RGS6: variants seen among roughly 807,000 people sequenced by gnomAD.
RGS6 encodes regulator of G protein signaling 6.
A neutral mutation model predicts 78.5 loss-of-function variants in RGS6; 30 were observed. The ratio of observed to expected loss-of-function variants is 0.38; its 90% CI spans 0.29 to 0.52. The LOEUF (loss-of-function observed/expected upper bound fraction) is 0.52, where lower values mean the gene tolerates loss of function less well. Ranked by LOEUF, RGS6 falls within the 20% of genes least tolerant of loss-of-function variation. The probability of loss-of-function intolerance (pLI) is 0.85; values close to 1 mark genes in which losing one functional copy is unlikely to be tolerated. For missense variants in RGS6, 495 were observed against 609.7 expected (o/e 0.81, Z 1.98); for synonymous variants, 206 against 206.0 (o/e 1.00, Z 0.00).
chr14:71,928,276 C>A (rs1335067104), upstream of RGS6, among the ~76,000 whole-genome samples: 5 of 152,214 alleles, frequency 3.3e-5, no homozygotes, highest in East Asian at 9.6e-4. Context: ...CATTTATTTT[C>A]TTTCAGGATT....
intron 2 of RGS6, among the ~76,000 whole-genome samples, chr14:72,167,056 T>G (rs1412906884): frequency 6.6e-6 from 1 of 152,264 alleles, no homozygotes; most frequent in Non-Finnish European, 1.5e-5. Context: ...TAAGTCATTT[T>G]TTTTTCATAC....
intron 2 of RGS6, among the ~76,000 whole-genome samples, chr14:72,063,569 G>C (rs528651709): frequency 4.6e-5 from 7 of 152,150 alleles, no homozygotes; most frequent in Non-Finnish European, 8.8e-5. Flanking sequence ...AGCTATTTAG[G>C]ATGTGAAGTC....
At chr14:71,941,522 C>T (rs1294067010) in intron 1 of RGS6, among the ~76,000 whole-genome samples, 1 of 152,216 alleles carries the variant, frequency 6.6e-6, no homozygotes, top group South Asian at 2.1e-4. Context: ...TTCACTTACA[C>T]AATCACAAGG....
At chr14:72,561,000 A>G (rs2097667963) in intron 17 of RGS6, among the ~76,000 whole-genome samples, 1 of 152,142 alleles carries the variant, frequency 6.6e-6, no homozygotes, top group South Asian at 2.1e-4. Flanking sequence ...CTATAGCACC[A>G]GAATTCTCAA....
At chr14:72,203,587 C>T (rs1278154380) in intron 2 of RGS6, among the ~76,000 whole-genome samples, 1 of 152,128 alleles carries the variant, frequency 6.6e-6, no homozygotes, top group Non-Finnish European at 1.5e-5. Flanking sequence ...ACCTCAAATC[C>T]ATCATGGCTG....
At chr14:72,044,413 T>G (rs939446915) in intron 2 of RGS6, among the ~76,000 whole-genome samples, 1 of 152,178 alleles carries the variant, frequency 6.6e-6, no homozygotes, top group African/African-American at 2.4e-5. Context: ...CACCATTCAG[T>G]CAGCTGAGGT....
At chr14:72,575,955 T>C in the RGS6 span, among the ~76,000 whole-genome samples, 4 of 152,350 alleles carry the variant, frequency 2.6e-5, no homozygotes, top group East Asian at 7.7e-4. Flanking sequence ...AAGAATGTCT[T>C]CTCAGACGGC....
chr14:72,070,711 G>T (rs80154457), intron 2 of RGS6, among the ~76,000 whole-genome samples: 2,326 of 152,280 alleles, frequency 0.015, 34 homozygotes, highest in Non-Finnish European at 0.025. Context: ...GGGAGCACTG[G>T]ATGGATTTCA....
At chr14:71,935,395 C>A (rs2088924825) in intron 1 of RGS6, among the ~76,000 whole-genome samples, 1 of 152,074 alleles carries the variant, frequency 6.6e-6, no homozygotes, top group Admixed American at 6.6e-5. Flanking sequence ...TTATTTCTAC[C>A]CAGTCCCCCT....
chr14:72,360,023 G>A (rs991053417), intron 3 of RGS6, among the ~76,000 whole-genome samples: 6 of 152,026 alleles, frequency 3.9e-5, no homozygotes, highest in Non-Finnish European at 7.4e-5. Flanking sequence ...GGGTACGTTA[G>A]GTCAGAACAG....
At chr14:72,328,687 C>G (rs1352349354) in intron 2 of RGS6, among the ~76,000 whole-genome samples, 1 of 152,162 alleles carries the variant, frequency 6.6e-6, no homozygotes, top group African/African-American at 2.4e-5. Flanking sequence ...CTACGTACCC[C>G]AAACCAACAG....
intron 3 of RGS6, among the ~76,000 whole-genome samples, chr14:72,450,919 T>C (rs1359687576): frequency 6.6e-6 from 1 of 152,212 alleles, no homozygotes; most frequent in Non-Finnish European, 1.5e-5. Context: ...GACGCGATAT[T>C]ATGACAGATT....
rs186855700 is a variant in RGS6, at chr14:72,179,863, A to C, written c.85-172232A>C. ...CAAAAATCCTGGAGGTGGGTCCAGC[A>C]ATCAGTGTTATAATGAGCCTACCAG... On this transcript the variant is annotated intron_variant, in intron 2 of 17. Coordinates refer to ENST00000553525, the MANE Select transcript of RGS6 (RefSeq NM_001204424.2). 1.4e-4 allele frequency among the ~76,000 whole-genome samples: 22 copies of C among 152,172 alleles called. No individual in the cohort carries two copies. In the East Asian group the frequency reaches 3.9e-3, roughly 27 times the overall value.
intron 1 of RGS6, among the ~76,000 whole-genome samples, chr14:71,952,821 A>G (rs948221691): frequency 6.7e-6 from 1 of 149,768 alleles, no homozygotes; most frequent in East Asian, 2.0e-4. Context: ...GTTCCTTTTT[A>G]AAAAAGAAAG....
At chr14:72,444,948 C>T (rs2095325723) in intron 3 of RGS6, among the ~76,000 whole-genome samples, 1 of 39,164 alleles carries the variant, frequency 2.6e-5, no homozygotes, top group African/African-American at 8.8e-5. Context: ...AAAAGCCAGT[C>T]AAAAAGCAGG....
intron 3 of RGS6, among the ~76,000 whole-genome samples, chr14:72,453,159 CTGTT>C (rs2095538197): frequency 6.6e-6 from 1 of 152,122 alleles, no homozygotes; most frequent in Admixed American, 6.5e-5. Flanking sequence ...GGGCAAGTTT[CTGTT>C]CAGATAAATC....
chr14:72,271,372 T>C (rs1420147908), intron 2 of RGS6, among the ~76,000 whole-genome samples: 6 of 152,200 alleles, frequency 3.9e-5, no homozygotes, highest in Non-Finnish European at 7.3e-5. Flanking sequence ...ATGAGACTTA[T>C]TCGCTACCAT....
chr14:72,255,974 A>G (rs2056989898), intron 2 of RGS6, among the ~76,000 whole-genome samples: 1 of 152,200 alleles, frequency 6.6e-6, no homozygotes, highest in African/African-American at 2.4e-5. Flanking sequence ...CTTTGAACGC[A>G]TATTAAATGT....
At chr14:72,156,593 G>T (rs1237450361) in intron 2 of RGS6, among the ~76,000 whole-genome samples, 2 of 152,158 alleles carry the variant, frequency 1.3e-5, no homozygotes. Context: ...TACTGATCAG[G>T]TTGATGAGTG....
Sources: allele counts gnomAD v4.1 joint callset (sites outside exome capture counted in the v4.1 genomes callset), GRCh38; gene constraint gnomAD v4.1.1; transcripts MANE v1.5; gene names NCBI Gene and HGNC (gene_info 2026-07-23, HGNC 2026-07-21).